Variants in CDH8 observed in about 807,000 individuals in gnomAD.
The protein encoded by CDH8 is cadherin 8, also known as cadherin-8.
A neutral mutation model predicts 68.1 loss-of-function variants in CDH8; 17 were observed. That is an observed-to-expected ratio of 0.25 (90% CI 0.17 to 0.37). The LOEUF (loss-of-function observed/expected upper bound fraction) is 0.37, where lower values mean the gene tolerates loss of function less well. Among genes scored for constraint, CDH8 ranks in the 10% least tolerant of loss-of-function variants. The probability of loss-of-function intolerance (pLI) is 1.00; values close to 1 mark genes in which losing one functional copy is unlikely to be tolerated. For missense variants in CDH8, 763 were observed against 999.3 expected, an observed-to-expected ratio of 0.76 and a Z score of 3.19; for synonymous variants, 372 against 365.1, an observed-to-expected ratio of 1.02 and a Z score of -0.21.
At chr16:61,778,980 A>G (rs187927202) in intron 8 of CDH8, among the ~76,000 whole-genome samples, 182 of 152,318 alleles carry the variant, frequency 1.2e-3, no homozygotes, top group Non-Finnish European at 1.6e-3. Context: ...ATCATTAGCG[A>G]AAAGCTTCAT....
chr16:61,709,768 C>T (rs1161990417), intron 10 of CDH8, among the ~76,000 whole-genome samples: 1 of 152,034 alleles, frequency 6.6e-6, no homozygotes, highest in Non-Finnish European at 1.5e-5. Flanking sequence ...AAACCATATG[C>T]AGGAATCCTG....
chr16:61,893,493 G>A (rs1963814480), intron 3 of CDH8, among the ~76,000 whole-genome samples: 1 of 151,652 alleles, frequency 6.6e-6, no homozygotes, highest in Non-Finnish European at 1.5e-5. Context: ...GAAAAGGCTT[G>A]GGAACACTGA....
Position 61,653,505 on chromosome 16 carries a change from A to C in CDH8, c.*103T>G. The C allele has an allele frequency of 2.0e-6, 3 of 1,506,078 alleles. No individual in the cohort carries two copies. Among genetic ancestry groups the C allele is most frequent in the Non-Finnish European group, 2.7e-6 (3 of 1,129,392 alleles). 93.3% of individuals were successfully genotyped at this position (1,506,078 alleles called of 1,614,324 possible). A position where few individuals can be genotyped will look rare whatever the true frequency, so the allele number is the denominator to read the frequency against. ...GTTGAGTTTATAGATGACTGGTGCT[A>C]AACTTGCCTCTAAAACAAATAGCCA... On this transcript the variant is annotated 3_prime_UTR_variant, in exon 12 of 12. Transcript: ENST00000577390.
At chr16:61,739,912 TGTA>T (rs375218444) in intron 8 of CDH8, among the ~76,000 whole-genome samples, 3,441 of 69,344 alleles carry the variant, frequency 0.05, 139 homozygotes, top group African/African-American at 0.17. Context: ...TATATATATA[TGTA>T]TTTTTTTTTT....
intron 2 of CDH8, among the ~76,000 whole-genome samples, chr16:61,965,931 G>A (rs1965242044): frequency 6.6e-6 from 1 of 152,098 alleles, no homozygotes; most frequent in South Asian, 2.1e-4. Flanking sequence ...CCAGAATCCT[G>A]ACAACTAATT....
chr16:61,927,977 C>T (rs530963812), intron 2 of CDH8, among the ~76,000 whole-genome samples: 3 of 152,314 alleles, frequency 2.0e-5, no homozygotes, highest in African/African-American at 7.2e-5. Context: ...CCAGTCCTTC[C>T]CTTCGGTAAA....
chr16:61,770,961 T>C (rs1960762067), intron 8 of CDH8, among the ~76,000 whole-genome samples: 1 of 151,940 alleles, frequency 6.6e-6, no homozygotes, highest in Admixed American at 6.6e-5. Flanking sequence ...TATTAGACCT[T>C]AAAACTCTTT....
chr16:61,841,148 T>C (rs572409916), intron 4 of CDH8, among the ~76,000 whole-genome samples: 25 of 152,330 alleles, frequency 1.6e-4, no homozygotes, highest in African/African-American at 6.0e-4. Context: ...TTAGCTATTG[T>C]AAACAGTGCT....
intron 8 of CDH8, among the ~76,000 whole-genome samples, chr16:61,736,863 A>T (rs1052791901): frequency 5.9e-5 from 9 of 152,144 alleles, no homozygotes; most frequent in Non-Finnish European, 8.8e-5. Context: ...AAATATAAAG[A>T]TATTATAATT....
intron 2 of CDH8, among the ~76,000 whole-genome samples, chr16:61,931,948 C>G (rs1000828655): frequency 6.6e-6 from 1 of 152,142 alleles, no homozygotes; most frequent in African/African-American, 2.4e-5. Context: ...TGGCTCACCC[C>G]TGTAATCCCA....
intron 10 of CDH8, among the ~76,000 whole-genome samples, chr16:61,668,404 T>C (rs899855207): frequency 6.6e-6 from 1 of 151,942 alleles, no homozygotes; most frequent in Non-Finnish European, 1.5e-5. Flanking sequence ...GATCCCTTAA[T>C]GCTCAGAGGA....
At chr16:61,914,161 G>A (rs902205298) in intron 2 of CDH8, among the ~76,000 whole-genome samples, 5 of 152,064 alleles carry the variant, frequency 3.3e-5, no homozygotes, top group East Asian at 1.9e-4. Context: ...GAGAAGTCTC[G>A]GAAAATAACA....
At position 61,780,797 on chromosome 16, in the gene CDH8, T is replaced by C. The variant is rs1449854403; in HGVS notation, c.1414+8549A>G. ...TTCATAGTAATTTCAATTTTTTTAATTTCTCTGTGATCTTATGATTTCCAC... is the reference window on the plus strand; with the variant it reads ...TTCATAGTAATTTCAATTTTTTTAACTTCTCTGTGATCTTATGATTTCCAC... On this transcript the variant is annotated intron_variant, in intron 8 of 11. Transcript: ENST00000577390. Among the ~76,000 whole-genome samples the C allele has an allele frequency of 2.0e-5, 3 of 152,362 alleles. No homozygotes were observed. In the South Asian group the frequency reaches 6.2e-4, roughly 32 times the overall value.
At chr16:61,728,050 T>A (rs1490469722) in intron 8 of CDH8, among the ~76,000 whole-genome samples, 4 of 151,140 alleles carry the variant, frequency 2.6e-5, no homozygotes, top group African/African-American at 9.7e-5. Context: ...TACCATGTAA[T>A]AATCTTTTGA....
At chr16:61,694,587 G>A (rs546683758) in intron 10 of CDH8, among the ~76,000 whole-genome samples, 2 of 152,198 alleles carry the variant, frequency 1.3e-5, no homozygotes, top group East Asian at 1.9e-4. Flanking sequence ...GTCATATGGG[G>A]TGATGAGGTT....
intron 6 of CDH8, among the ~76,000 whole-genome samples, chr16:61,818,265 C>T (rs1429288791): frequency 6.6e-6 from 1 of 152,082 alleles, no homozygotes; most frequent in Non-Finnish European, 1.5e-5. Flanking sequence ...TTTCTGATTT[C>T]ACTTTAAAGC....
intron 8 of CDH8, among the ~76,000 whole-genome samples, chr16:61,757,688 G>A (rs1960358488): frequency 6.6e-6 from 1 of 152,074 alleles, no homozygotes; most frequent in Admixed American, 6.6e-5. Context: ...CAAATACCAG[G>A]CCATGGAGAA....
At chr16:62,026,585 C>G (rs753703787) in intron 1 of CDH8, among the ~76,000 whole-genome samples, 25 of 152,148 alleles carry the variant, frequency 1.6e-4, no homozygotes, top group Non-Finnish European at 2.4e-4. Context: ...TTTGGGGAAA[C>G]CTTGAACTAG....
In CDH8 at chr16:61,959,515, T is replaced by G. The variant is rs563454225; in HGVS notation, c.253-58042A>C. Among the ~76,000 whole-genome samples, 362 of 130,848 alleles carry G rather than the reference T, an allele frequency of 2.8e-3. 1 individual carries two copies. The highest frequency in any genetic ancestry group is 0.011 in the African/African-American group (347 of 30,354). The allele number at this position is 130,848 out of a possible 152,430, so 85.8% of individuals were successfully genotyped here. ...GTTACTCGCAAAAGCCAGCCCTGCC[T>G]TATCCTCCCTCTCTCTCTCTCTCTC... On this transcript the variant is annotated intron_variant, in intron 2 of 11. Coordinates refer to ENST00000577390, the MANE Select transcript of CDH8 (RefSeq NM_001796.5).
Sources: gnomAD v4.1 joint callset for allele counts (sites outside exome capture counted in the v4.1 genomes callset) on GRCh38, gnomAD v4.1.1 for gene constraint, MANE v1.5 for transcripts, NCBI Gene and HGNC (gene_info 2026-07-23, HGNC 2026-07-21) for gene names.